Variants in CROCC observed in about 807,000 individuals in gnomAD.
CROCC encodes ciliary rootlet coiled-coil, rootletin.
A neutral mutation model predicts 245.2 loss-of-function variants in CROCC; 180 were observed. The observed-to-expected ratio is 0.73, with a 90% confidence interval of 0.65 to 0.83. The LOEUF is 0.83. Among genes scored for constraint, CROCC ranks in the 40% least tolerant of loss-of-function variants. CROCC has a pLI of 0.00. For missense variants in CROCC, 2,688 were observed against 2,779.4 expected, an observed-to-expected ratio of 0.97 and a Z score of 0.74; for synonymous variants, 1,205 against 1,241.6, an observed-to-expected ratio of 0.97 and a Z score of 0.62.
intron 8 of CROCC, among the ~76,000 whole-genome samples, chr1:16,935,900 G>A (rs1240547861): frequency 6.6e-6 from 1 of 152,264 alleles, no homozygotes; most frequent in Non-Finnish European, 1.5e-5. Context: ...GTATATCGTT[G>A]GATACGTTCT....
intron 3 of CROCC, among the ~76,000 whole-genome samples, chr1:16,928,125 G>A (rs2075578030): frequency 6.6e-6 from 1 of 152,292 alleles, no homozygotes; most frequent in African/African-American, 2.4e-5. Context: ...TGGCTGGCGT[G>A]GCCCTGCACG....
chr1:16,922,128 CTT>C (rs2075421500), intron 1 of CROCC, 50 bp downstream of exon 1: 5 of 1,471,904 alleles, frequency 3.4e-6, no homozygotes, highest in Admixed American at 4.5e-5. Flanking sequence ...GCAGCGTGGA[CTT>C]AACAGGAGTG....
chr1:16,946,215 C>T (rs776275590), intron 15 of CROCC, 44 bp from the exon 16 acceptor site: 23 of 1,596,032 alleles, frequency 1.4e-5, no homozygotes, highest in African/African-American at 2.7e-5. Context: ...CACCTCCTCC[C>T]GACCTTTCTG....
chr1:16,970,232 C>A, intron 33 of CROCC, 21 bp from the exon 34 acceptor site: 1 of 1,528,798 alleles, frequency 6.5e-7, no homozygotes, highest in Non-Finnish European at 8.8e-7. Flanking sequence ...GGATTCGGGG[C>A]CTGCCTGGCT....
intron 30 of CROCC, 38 bp from the exon 31 acceptor site, chr1:16,968,165 C>T (rs1339987110): frequency 6.5e-7 from 1 of 1,538,614 alleles, no homozygotes; most frequent in Non-Finnish European, 8.8e-7. Flanking sequence ...CTGCGGGGTG[C>T]ACTGGACGTC....
rs761395823 is a variant in CROCC, at chr1:16,966,488, C to T, written c.4777C>T (p.Arg1593Trp). The change falls in exon 30 of 37, where the codon CGG (arginine) becomes TGG (tryptophan). Residue 1593 changes from arginine to tryptophan, a missense_variant. Coordinates refer to ENST00000375541, the MANE Select transcript of CROCC (RefSeq NM_014675.5). This position sits in a 1 kb window ranked among gnomAD's most constrained non-coding sequence, Gnocchi z 4.8. ...GGAGGAGAGTGTGCGGCGCAGTGAG[C>T]GGGAGCGCCGGGCCACGCTGGACCA... Reference protein sequence around the residue: ...LQEESVRRSERERRATLDQVA... With the variant: ...LQEESVRRSEWERRATLDQVA... 75 of 1,532,804 alleles carry T rather than the reference C, an allele frequency of 4.9e-5. No homozygotes were observed. The highest frequency in any genetic ancestry group is 6.0e-5 in the Non-Finnish European group (69 of 1,144,628). 95.0% of individuals were successfully genotyped at this position (1,532,804 alleles called of 1,614,324 possible).
Position 16,968,232 on chromosome 1 carries a change from G to T in CROCC, c.4890G>T (p.Glu1630Asp). ...AGATCAGCAAGATGAAGGCCAATGA[G>T]ACAAAGCTGGAGGGCGACAAGCGGC... is the stretch of plus-strand genomic sequence containing the variant. The part of the protein sequence containing the change: ...QEKISKMKAN[E>D]TKLEGDKRRL... Residue 1630 changes from glutamate to aspartate, a missense_variant, in exon 31 of 37, where the codon GAG becomes GAT. Around this residue, in one of 9 missense-constraint regions of CROCC, gnomAD observed 1,218 missense variants for 1,286.3 expected, o/e 0.95. Transcript: ENST00000375541. 1 of 1,567,350 alleles carries T rather than the reference G, an allele frequency of 6.4e-7. No individual in the cohort carries two copies. The highest frequency in any genetic ancestry group is 1.2e-5 in the South Asian group (1 of 85,068).
In CROCC at chr1:16,968,349, C is replaced by T. The variant is rs1465443494; in HGVS notation, c.5007C>T (p.Arg1669=). 1 of 1,544,240 alleles carries T rather than the reference C, an allele frequency of 6.5e-7. No homozygotes were observed. The highest frequency in any genetic ancestry group is 2.0e-5 in the Admixed American group (1 of 50,038). Residue 1669 remains arginine (R), a synonymous_variant, in exon 31 of 37, where the codon CGC becomes CGT. Coordinates refer to ENST00000375541, the MANE Select transcript of CROCC (RefSeq NM_014675.5). Reference sequence around the variant, plus strand: ...TTGAGGGGGAGCTGCAGCGCAGCCGCCTGGGCCTCAGTGACCGCGAGGCCC... The same window carrying T: ...TTGAGGGGGAGCTGCAGCGCAGCCGTCTGGGCCTCAGTGACCGCGAGGCCC... ...RSLEGELQRS[R]LGLSDREAQA... is the part of the protein sequence containing the mutation.
Position 16,946,272 on chromosome 1 carries a change from G to A in CROCC, c.2150G>A (p.Arg717His), listed in dbSNP as rs373046508. Reference protein sequence around the residue: ...AEALTKAEAGRVELELSMTKL... With the variant: ...AEALTKAEAGHVELELSMTKL... ...CTGACCCTGCAGGCTGAGGCTGGCC[G>A]CGTGGAGCTCGAGCTCTCCATGACC... is the stretch of plus-strand genomic sequence containing the variant. Residue 717 changes from arginine (R) to histidine (H), a missense_variant, in exon 16 of 37, where the codon CGC becomes CAC. Coordinates refer to ENST00000375541, the MANE Select transcript of CROCC (RefSeq NM_014675.5). The A allele has an allele frequency of 3.9e-5, 63 of 1,612,840 alleles. No homozygotes were observed. The highest frequency in any genetic ancestry group is 1.1e-4 in the South Asian group (10 of 91,012).
rs1042291776 is a variant in CROCC, at chr1:16,961,127, G to C, written c.4402G>C (p.Glu1468Gln). The change falls in exon 27 of 37, where the codon GAA becomes CAA. Residue 1468 changes from glutamate to glutamine, a missense_variant. Transcript: ENST00000375541. ...TTCCCCTGCCCGGGACGCACCCGCA[G>C]AAGGTAAGGGCAGTGCCGCGCGCAG... ...PGSPARDAPA[E>Q]GSGEGLNSPS... The C allele has an allele frequency of 1.5e-6, 2 of 1,347,464 alleles. No individual in the cohort carries two copies. The highest frequency in any genetic ancestry group is 1.5e-5 in the African/African-American group (1 of 65,074). 83.5% of individuals were successfully genotyped at this position (1,347,464 alleles called of 1,614,324 possible).
chr1:16,969,811 A>G lies in CROCC; in HGVS notation c.5328A>G (p.Ala1776=). The change falls in exon 33 of 37, where the codon GCA becomes GCG. Residue 1776 remains alanine (A), a synonymous_variant. Coordinates refer to ENST00000375541, the MANE Select transcript of CROCC (RefSeq NM_014675.5). ...LQERLDAARQ[A]LSEARKQSSS... ...AACGGCTGGATGCCGCCCGGCAGGC[A>G]TTATCTGAGGCACGGAAGCAGAGCA... The G allele has an allele frequency of 6.2e-7, 1 of 1,613,176 alleles. No individual in the cohort carries two copies. Among genetic ancestry groups the G allele is most frequent in the East Asian group, 2.2e-5 (1 of 44,854 alleles).
At chr1:16,915,273 C>A (rs567363767) in intron 1 of CROCC, among the ~76,000 whole-genome samples, 1 of 152,414 alleles carries the variant, frequency 6.6e-6, no homozygotes, top group Admixed American at 6.5e-5. Flanking sequence ...GGAATCATTT[C>A]TTTTTCCATT....
chr1:16,946,046 A>G (rs2076037905), intron 15 of CROCC, among the ~76,000 whole-genome samples: 1 of 152,076 alleles, frequency 6.6e-6, no homozygotes, highest in Non-Finnish European at 1.5e-5. Context: ...AGCTTGAGCT[A>G]TTTTTGCACA....
intron 3 of CROCC, among the ~76,000 whole-genome samples, chr1:16,926,476 T>C (rs1251504896): frequency 6.6e-6 from 1 of 152,238 alleles, no homozygotes. Flanking sequence ...CTCACTGGCA[T>C]GTTGGGCTGG....
chr1:16,959,857 C>T (rs1361182497), intron 26 of CROCC, among the ~76,000 whole-genome samples: 1 of 152,106 alleles, frequency 6.6e-6, no homozygotes, highest in Admixed American at 6.5e-5. Context: ...CCCACAGCCC[C>T]CGTGTGGCCC....
intron 13 of CROCC, 53 bp downstream of exon 13, chr1:16,940,146 C>T: frequency 6.5e-7 from 1 of 1,540,158 alleles, no homozygotes; most frequent in Non-Finnish European, 8.8e-7. Context: ...ACCGTCTGGG[C>T]ATAACACCAG....
At position 16,929,996 on chromosome 1, in the gene CROCC, C is replaced by G. The variant is rs373118266; in HGVS notation, c.502C>G (p.Arg168Gly). ...KLQAYQEGQQ[R>G]QAQLVQRLQG... ...GCAGGCCTACCAGGAGGGCCAGCAG[C>G]GGCAGGCCCAGCTTGTGCAGCGGCT... The change falls in exon 4 of 37, where the codon CGG becomes GGG. Residue 168 changes from arginine to glycine, a missense_variant. Coordinates refer to ENST00000375541, the MANE Select transcript of CROCC (RefSeq NM_014675.5). 1.4e-5 allele frequency: 22 copies of G among 1,584,392 alleles called. No individual in the cohort carries two copies. In the South Asian group the frequency reaches 2.4e-4, roughly 17 times the overall value.
At chr1:16,956,685 G>T (rs1314943760) in intron 25 of CROCC, among the ~76,000 whole-genome samples, 1 of 150,872 alleles carries the variant, frequency 6.6e-6, no homozygotes, top group Non-Finnish European at 1.5e-5. Context: ...AAGAAATGTT[G>T]TTCTTCCTTT....
intron 27 of CROCC, among the ~76,000 whole-genome samples, chr1:16,961,350 G>A (rs2076330675): frequency 6.6e-6 from 1 of 151,548 alleles, no homozygotes; most frequent in Non-Finnish European, 1.5e-5. Flanking sequence ...CTTTAGACCA[G>A]GCCTCATCTG....
Sources: gnomAD v4.1 joint callset for allele counts (sites outside exome capture counted in the v4.1 genomes callset) on GRCh38, gnomAD v4.1.1 for gene constraint, gnomAD v4.1.1 regional missense constraint, Gnocchi (gnomAD v3.1) non-coding constraint, MANE v1.5 for transcripts, NCBI Gene and HGNC (gene_info 2026-07-23, HGNC 2026-07-21) for gene names.